ZNF385B: variants seen among roughly 807,000 people sequenced by gnomAD.
The protein encoded by ZNF385B is zinc finger protein 385B, also known as zinc finger protein 533.
A neutral mutation model predicts 39.2 loss-of-function variants in ZNF385B; 23 were observed. The observed-to-expected ratio is 0.59, with a 90% CI of 0.42 to 0.83. The LOEUF (loss-of-function observed/expected upper bound fraction) is 0.83, where lower values mean the gene tolerates loss of function less well. Ranked by LOEUF, ZNF385B falls within the 40% of genes least tolerant of loss-of-function variation. The probability of loss-of-function intolerance (pLI) is 0.00; values close to 1 mark genes in which losing one functional copy is unlikely to be tolerated. For synonymous variants in ZNF385B, 205 were observed against 222.6 expected (o/e 0.92, Z 0.70); for missense variants, 552 against 598.9 (o/e 0.92, Z 0.82).
At chr2:179,850,209 C>T (rs368886352) in intron 1 of ZNF385B, among the ~76,000 whole-genome samples, 2 of 152,124 alleles carry the variant, frequency 1.3e-5, no homozygotes, top group Non-Finnish European at 2.9e-5. Context: ...TTTTACATAT[C>T]CCTCTCCCCT....
intron 3 of ZNF385B, among the ~76,000 whole-genome samples, chr2:179,689,302 G>C (rs144062410): frequency 6.6e-6 from 1 of 152,182 alleles, no homozygotes; most frequent in Admixed American, 6.5e-5. Context: ...AAGGAATTAG[G>C]TGATGGTGGA....
intron 3 of ZNF385B, among the ~76,000 whole-genome samples, chr2:179,760,265 G>A (rs985360680): frequency 7.0e-6 from 1 of 143,300 alleles, no homozygotes; most frequent in Non-Finnish European, 1.5e-5. Context: ...TGTATGACCT[G>A]TGTAGATTCA....
At chr2:179,741,582 T>C (rs995076770) in intron 3 of ZNF385B, among the ~76,000 whole-genome samples, 1 of 152,066 alleles carries the variant, frequency 6.6e-6, no homozygotes, top group Non-Finnish European at 1.5e-5. Context: ...GTGGTTAAAA[T>C]TGGGATAGCT....
chr2:179,499,888 T>G (rs960600503), intron 5 of ZNF385B, among the ~76,000 whole-genome samples: 3 of 151,848 alleles, frequency 2.0e-5, no homozygotes, highest in Admixed American at 2.0e-4. Flanking sequence ...TATTTGTAAA[T>G]AAAGACTCTC....
chr2:179,732,905 T>C (rs990116215), intron 3 of ZNF385B, among the ~76,000 whole-genome samples: 4 of 152,228 alleles, frequency 2.6e-5, no homozygotes, highest in African/African-American at 9.6e-5. Flanking sequence ...TCATTCTTCC[T>C]TTATTTTTTA....
chr2:179,773,332 C>A (rs1385596059), intron 1 of ZNF385B, among the ~76,000 whole-genome samples: 2 of 152,308 alleles, frequency 1.3e-5, no homozygotes, highest in Non-Finnish European at 2.9e-5. Flanking sequence ...CAACTCAAGT[C>A]AATCGGTTTT....
At chr2:179,544,761 A>T in intron 4 of ZNF385B, 66 bp downstream of exon 4, 1 of 1,587,162 alleles carries the variant, frequency 6.3e-7, no homozygotes, top group Non-Finnish European at 8.6e-7. Flanking sequence ...GTATCTATTG[A>T]CTATTCACAA....
At chr2:179,591,953 G>A (rs928509822) in intron 3 of ZNF385B, among the ~76,000 whole-genome samples, 2 of 152,074 alleles carry the variant, frequency 1.3e-5, no homozygotes, top group Non-Finnish European at 2.9e-5. Flanking sequence ...CAGGCCCAGA[G>A]CATGCCCTAT....
At chr2:179,686,627 T>G (rs572798660) in intron 3 of ZNF385B, among the ~76,000 whole-genome samples, 2 of 152,152 alleles carry the variant, frequency 1.3e-5, no homozygotes, top group South Asian at 4.2e-4. Flanking sequence ...ATGTTTTGAG[T>G]TTATGATTTA....
chr2:179,446,668 G>A lies in ZNF385B; in HGVS notation c.818C>T (p.Ala273Val). Reference sequence around the variant, plus strand: ...TGTGCTCTTGGAGGGAGAAGTGGCTGCTCCAGGTGGCAGGGGTGTTGTGCC... The same window carrying A: ...TGTGCTCTTGGAGGGAGAAGTGGCTACTCCAGGTGGCAGGGGTGTTGTGCC... ...KSGTTPLPPG[A>V]ATSPSKSTNG... Residue 273 changes from alanine to valine, a missense_variant, in exon 7 of 10, where the codon GCA (alanine) becomes GTA (valine). Coordinates refer to ENST00000410066, the MANE Select transcript of ZNF385B (RefSeq NM_152520.6). 1.2e-6 allele frequency: 2 copies of A among 1,614,110 alleles called. No individual in the cohort carries two copies. Among genetic ancestry groups the A allele is most frequent in the Admixed American group, 3.3e-5 (2 of 60,018 alleles).
intron 3 of ZNF385B, among the ~76,000 whole-genome samples, chr2:179,735,359 A>G (rs1191091564): frequency 1.2e-4 from 17 of 144,910 alleles, no homozygotes; most frequent in South Asian, 2.4e-4. Context: ...TTAGAATGGC[A>G]ATCATTAAAA....
Position 179,769,644 on chromosome 2 carries a change from C to T in ZNF385B, c.157G>A (p.Val53Met). Reference sequence around the variant, plus strand: ...GCAGAGTTCAGCTGGATGTTGCACACCTCACAGAAGGAGAAAAGAATTTTC... The same window carrying T: ...GCAGAGTTCAGCTGGATGTTGCACATCTCACAGAAGGAGAAAAGAATTTTC... ...KKKILFSFCE[V>M]CNIQLNSAAQ... The change falls in exon 3 of 10, where the codon GTG becomes ATG. Residue 53 changes from valine (V) to methionine (M), a missense_variant. Transcript: ENST00000410066. 1 of 1,614,150 alleles carries T rather than the reference C, an allele frequency of 6.2e-7. No individual in the cohort carries two copies. The highest frequency in any genetic ancestry group is 1.3e-5 in the African/African-American group (1 of 75,028).
At chr2:179,756,268 G>T (rs984770934) in intron 3 of ZNF385B, among the ~76,000 whole-genome samples, 2 of 152,052 alleles carry the variant, frequency 1.3e-5, no homozygotes, top group African/African-American at 4.8e-5. Flanking sequence ...TGAAATTCTG[G>T]GTTGAAAATT....
At chr2:179,750,774 C>T (rs1472442962) in intron 3 of ZNF385B, among the ~76,000 whole-genome samples, 1 of 152,080 alleles carries the variant, frequency 6.6e-6, no homozygotes, top group East Asian at 1.9e-4. Context: ...ACCTACCTCA[C>T]ACTGAAATGA....
At chr2:179,643,144 C>A (rs1202168367) in intron 3 of ZNF385B, among the ~76,000 whole-genome samples, 1 of 147,176 alleles carries the variant, frequency 6.8e-6, no homozygotes, top group Non-Finnish European at 1.5e-5. Context: ...TTTTTTTGGT[C>A]AATTACAACA....
chr2:179,728,775 T>C (rs1701184843), intron 3 of ZNF385B, among the ~76,000 whole-genome samples: 1 of 152,038 alleles, frequency 6.6e-6, no homozygotes, highest in South Asian at 2.1e-4. Flanking sequence ...GAACGAGTAA[T>C]AGAAATCAAT....
chr2:179,747,711 C>G (rs115247291), intron 3 of ZNF385B, among the ~76,000 whole-genome samples: 1 of 152,056 alleles, frequency 6.6e-6, no homozygotes, highest in African/African-American at 2.4e-5. Flanking sequence ...TAAAACCCTT[C>G]GGGCTTGATG....
chr2:179,464,375 G>A (rs149078697), intron 6 of ZNF385B, among the ~76,000 whole-genome samples: 2,930 of 152,180 alleles, frequency 0.019, 207 homozygotes, highest in East Asian at 0.15. Context: ...TGTCAATTTT[G>A]GCTTTTGTTG....
chr2:179,685,718 A>C (rs897223761), intron 3 of ZNF385B, among the ~76,000 whole-genome samples: 6 of 152,128 alleles, frequency 3.9e-5, no homozygotes. Context: ...AAAAAAAGTC[A>C]GTTCCCACTT....
Sources: allele counts gnomAD v4.1 joint callset (sites outside exome capture counted in the v4.1 genomes callset), GRCh38; gene constraint gnomAD v4.1.1; transcripts MANE v1.5; gene names NCBI Gene and HGNC (gene_info 2026-07-23, HGNC 2026-07-21).